PHACTR1: variants seen among roughly 807,000 people sequenced by gnomAD.
PHACTR1 encodes phosphatase and actin regulator 1.
In PHACTR1, 16 loss-of-function variants were observed where a neutral mutation model predicts 69.2. The observed-to-expected ratio is 0.23, with a 90% CI of 0.16 to 0.35. PHACTR1 has a LOEUF of 0.35. Ranked by LOEUF, PHACTR1 falls within the 10% of genes least tolerant of loss-of-function variation. PHACTR1 has a pLI of 1.00. For missense variants in PHACTR1, 510 were observed against 734.7 expected (o/e 0.69, Z 3.54); for synonymous variants, 312 against 284.5 (o/e 1.10, Z -0.97).
intron 5 of PHACTR1, among the ~76,000 whole-genome samples, chr6:13,133,391 C>T (rs1820859639): frequency 6.6e-6 from 1 of 151,838 alleles, no homozygotes; most frequent in Non-Finnish European, 1.5e-5. Context: ...TGCACCCTCC[C>T]TGTCTGATTC....
At chr6:13,251,857 C>T (rs1774461027) in intron 10 of PHACTR1, among the ~76,000 whole-genome samples, 1 of 151,890 alleles carries the variant, frequency 6.6e-6, no homozygotes, top group Non-Finnish European at 1.5e-5. Context: ...GAGTTCAAGA[C>T]CAGCCTGAGC....
intron 4 of PHACTR1, among the ~76,000 whole-genome samples, chr6:12,886,466 A>G (rs1289140884): frequency 6.6e-6 from 1 of 152,234 alleles, no homozygotes. Context: ...TTCATATTAA[A>G]TGTTCAAAAT....
intron 4 of PHACTR1, among the ~76,000 whole-genome samples, chr6:12,863,087 G>A (rs1781105234): frequency 6.6e-6 from 1 of 152,244 alleles, no homozygotes; most frequent in Non-Finnish European, 1.5e-5. Flanking sequence ...CTCTACAGCT[G>A]TATAATTGTC....
chr6:12,762,004 T>C (rs1768078998), intron 4 of PHACTR1, among the ~76,000 whole-genome samples: 1 of 152,222 alleles, frequency 6.6e-6, no homozygotes, highest in African/African-American at 2.4e-5. Context: ...TAGCTGCTCA[T>C]GACCCTGGCT....
At chr6:12,748,479 C>A (rs1766093441) in intron 3 of PHACTR1, among the ~76,000 whole-genome samples, 1 of 152,076 alleles carries the variant, frequency 6.6e-6, no homozygotes, top group African/African-American at 2.4e-5. Flanking sequence ...TAAACTCAGG[C>A]CACAAAAAGA....
At chr6:12,758,431 C>T (rs1217209301) in intron 4 of PHACTR1, among the ~76,000 whole-genome samples, 1 of 148,998 alleles carries the variant, frequency 6.7e-6, no homozygotes, top group African/African-American at 2.5e-5. Flanking sequence ...ACGCCATTGC[C>T]CTCCAGCCTG....
intron 5 of PHACTR1, among the ~76,000 whole-genome samples, chr6:13,079,168 A>AT (rs775242519): frequency 6.6e-6 from 1 of 152,152 alleles, no homozygotes; most frequent in Non-Finnish European, 1.5e-5. Context: ...TTGAATCATG[A>AT]TCACGGCTCT....
chr6:13,053,567 T>A (rs755876517), intron 5 of PHACTR1, 38 bp downstream of exon 5: 1 of 1,597,210 alleles, frequency 6.3e-7, no homozygotes, highest in Non-Finnish European at 8.5e-7. Context: ...ATTTGGTGTT[T>A]GTTGCCTTCA....
chr6:13,075,901 G>C (rs780414804), intron 5 of PHACTR1, among the ~76,000 whole-genome samples: 1 of 151,976 alleles, frequency 6.6e-6, no homozygotes, highest in Non-Finnish European at 1.5e-5. Context: ...CCAAGTCCAG[G>C]ATAACTAGAT....
Position 13,272,637 on chromosome 6 carries a change from G to T in PHACTR1, c.1392-223G>T. On this transcript the variant is annotated intron_variant, in intron 10 of 14. Coordinates refer to ENST00000332995, the MANE Select transcript of PHACTR1 (RefSeq NM_030948.6). ...GGCTGGGGAGGGGCCGCTGCAGGGA[G>T]GAGGGCGGGGGTCAGCGGCTGTGAC... 3.6e-6 allele frequency: 5 copies of T among 1,400,006 alleles called. 1 individual carries two copies. In the South Asian group the frequency reaches 7.5e-5, roughly 21 times the overall value. The allele number at this position is 1,400,006 out of a possible 1,614,324, so 86.7% of individuals were successfully genotyped here.
At chr6:13,232,190 A>G (rs1251106840) in intron 10 of PHACTR1, among the ~76,000 whole-genome samples, 1 of 152,242 alleles carries the variant, frequency 6.6e-6, no homozygotes, top group East Asian at 1.9e-4. Context: ...TGTTTTCACC[A>G]TCACCTTTGC....
In PHACTR1 at chr6:13,206,017, C is replaced by A. The variant is rs774451395; in HGVS notation, c.867C>A (p.Tyr289Ter). ...CCCAGATCCAGCACCAGCTGCAGTA[C>A]GGCAGCCACGGCCAGCACCTCCCCT... ...LPSQIQHQLQ[Y>*]GSHGQHLPST... The change falls in exon 8 of 15, where the codon TAC becomes TAA. Residue 289 changes from tyrosine (Y) to a stop codon, truncating the protein, a stop_gained. Coordinates refer to ENST00000332995, the MANE Select transcript of PHACTR1 (RefSeq NM_030948.6). LOFTEE classifies it high-confidence loss of function. 1 of 1,613,384 alleles carries A rather than the reference C, an allele frequency of 6.2e-7. No homozygotes were observed. Among genetic ancestry groups the A allele is most frequent in the South Asian group, 1.1e-5 (1 of 91,088 alleles).
chr6:12,991,793 A>C (rs962724684), intron 4 of PHACTR1, among the ~76,000 whole-genome samples: 9 of 152,212 alleles, frequency 5.9e-5, no homozygotes, highest in South Asian at 2.1e-4. Context: ...TCACGTGCAC[A>C]GTACTTTCTA....
chr6:12,887,819 A>G (rs1783785985), intron 4 of PHACTR1, among the ~76,000 whole-genome samples: 1 of 152,044 alleles, frequency 6.6e-6, no homozygotes. Context: ...CTGTAATCCC[A>G]GCACTTTGGG....
At chr6:12,895,575 C>T (rs1442072157) in intron 4 of PHACTR1, among the ~76,000 whole-genome samples, 1 of 152,124 alleles carries the variant, frequency 6.6e-6, no homozygotes. Context: ...GTAAAGGGGT[C>T]CCTCAGTCAA....
Position 13,273,067 on chromosome 6 carries a change from C to A in PHACTR1, c.1447+152C>A, listed in dbSNP as rs564447896. 4.4e-6 allele frequency: 5 copies of A among 1,124,740 alleles called. No individual in the cohort carries two copies. In the East Asian group the frequency reaches 7.3e-5, roughly 16 times the overall value. The allele number at this position is 1,124,740 out of a possible 1,614,324, so 69.7% of individuals were successfully genotyped here. ...AGCTTCATGTGTGCATGTTAGAACA[C>A]CAAAGACGACCTCCCCAAAGAGAAG... On this transcript the variant is annotated intron_variant, in intron 11 of 14. Transcript: ENST00000332995.
intron 4 of PHACTR1, among the ~76,000 whole-genome samples, chr6:13,031,218 C>T (rs1802409728): frequency 1.3e-5 from 2 of 152,104 alleles, no homozygotes; most frequent in South Asian, 2.1e-4. Flanking sequence ...AGGTATTCTG[C>T]CCCACTGATC....
At chr6:12,963,344 G>A (rs1233844542) in intron 4 of PHACTR1, among the ~76,000 whole-genome samples, 7 of 152,232 alleles carry the variant, frequency 4.6e-5, no homozygotes, top group African/African-American at 1.7e-4. Context: ...TGCACACTTT[G>A]GTAAGGCATA....
intron 3 of PHACTR1, among the ~76,000 whole-genome samples, chr6:12,730,179 A>G (rs1475334689): frequency 6.6e-6 from 1 of 152,148 alleles, no homozygotes; most frequent in Non-Finnish European, 1.5e-5. Flanking sequence ...TTTCACTAAC[A>G]TGTTTTACAT....
Sources: allele counts gnomAD v4.1 joint callset (sites outside exome capture counted in the v4.1 genomes callset), GRCh38; gene constraint gnomAD v4.1.1; transcripts MANE v1.5; gene names NCBI Gene and HGNC (gene_info 2026-07-23, HGNC 2026-07-21).